Variants in EXOC4 observed in about 807,000 individuals in gnomAD.
EXOC4 encodes the protein SEC8-like 1.
In EXOC4, 71 loss-of-function variants were observed where a neutral mutation model predicts 107.2. That is an observed-to-expected ratio of 0.66 (90% CI 0.55 to 0.81). The LOEUF is 0.81. EXOC4 is among the 30% of genes least tolerant of loss of function. EXOC4 has a pLI of 0.00. For synonymous variants in EXOC4, 456 were observed against 441.2 expected, an observed-to-expected ratio of 1.03 and a Z score of -0.42; for missense variants, 1,108 against 1,189.6, an observed-to-expected ratio of 0.93 and a Z score of 1.01.
At chr7:133,326,762 G>C (rs902606594) in intron 5 of EXOC4, among the ~76,000 whole-genome samples, 1 of 152,220 alleles carries the variant, frequency 6.6e-6, no homozygotes, top group Admixed American at 6.5e-5. Context: ...TAAGTCTGCA[G>C]AGGTTTCTGC....
chr7:133,265,013 T>C (rs184755493), intron 1 of EXOC4, among the ~76,000 whole-genome samples: 16 of 152,262 alleles, frequency 1.1e-4, no homozygotes, highest in Non-Finnish European at 1.8e-4. Flanking sequence ...TGAATAGATA[T>C]AATAACTTAA....
intron 9 of EXOC4, among the ~76,000 whole-genome samples, chr7:133,508,714 G>C (rs536471396): frequency 2.6e-5 from 4 of 152,102 alleles, no homozygotes; most frequent in Admixed American, 6.5e-5. Flanking sequence ...CTCCATTTGG[G>C]TTTTATGCAT....
chr7:133,475,820 C>G lies in EXOC4; in HGVS notation c.1328+347C>G, dbSNP rs1798997478. On this transcript the variant is annotated intron_variant, in intron 8 of 17. Transcript: ENST00000253861. Reference sequence around the variant, plus strand: ...ATTAGCCTTGAAAAGGCCCCAAGAGCCAAGAAACAACCTTTGTTAATAAAG... The same window carrying G: ...ATTAGCCTTGAAAAGGCCCCAAGAGGCAAGAAACAACCTTTGTTAATAAAG... Among the ~76,000 whole-genome samples, 3 of 152,102 alleles carry G rather than the reference C, an allele frequency of 2.0e-5. No homozygotes were observed. The South Asian group carries it at 6.2e-4, about 32-fold the overall frequency.
intron 7 of EXOC4, among the ~76,000 whole-genome samples, chr7:133,449,467 T>C (rs1798290582): frequency 6.6e-6 from 1 of 152,230 alleles, no homozygotes; most frequent in Non-Finnish European, 1.5e-5. Flanking sequence ...AGTTTTTTTC[T>C]GAGCTTTCTT....
chr7:133,579,789 T>A (rs1346699104), intron 9 of EXOC4, among the ~76,000 whole-genome samples: 2 of 151,816 alleles, frequency 1.3e-5, no homozygotes, highest in Admixed American at 1.3e-4. Flanking sequence ...CGGGTTCAAG[T>A]GATCCTCCTG....
intron 10 of EXOC4, among the ~76,000 whole-genome samples, chr7:133,643,918 C>T (rs981467782): frequency 6.6e-6 from 1 of 152,122 alleles, no homozygotes; most frequent in Non-Finnish European, 1.5e-5. Flanking sequence ...TTCCTTTCCC[C>T]AATGTACAGT....
chr7:133,997,458 A>G, intron 14 of EXOC4, 34 bp from the exon 15 acceptor site: 1 of 1,610,716 alleles, frequency 6.2e-7, no homozygotes, highest in Non-Finnish European at 8.5e-7. Context: ...TAGGCATCTA[A>G]TGAAATGATT....
intron 4 of EXOC4, among the ~76,000 whole-genome samples, chr7:133,310,317 T>G (rs1486980084): frequency 6.6e-6 from 1 of 152,152 alleles, no homozygotes; most frequent in Non-Finnish European, 1.5e-5. Context: ...CAGTAAATCC[T>G]CACTTAATGC....
chr7:133,419,964 CT>C (rs60203961), intron 7 of EXOC4, among the ~76,000 whole-genome samples: 63,242 of 134,358 alleles, frequency 0.47, 14,337 homozygotes, highest in East Asian at 0.59. Context: ...TCTGCTTCTT[CT>C]TTTTTTTTTT....
At chr7:133,423,858 C>CTGG (rs1797660104) in intron 7 of EXOC4, among the ~76,000 whole-genome samples, 1 of 152,184 alleles carries the variant, frequency 6.6e-6, no homozygotes, top group African/African-American at 2.4e-5. Context: ...CTGGCGCCTG[C>CTGG]TGGACTTGAT....
chr7:133,493,564 T>C (rs1478073596), intron 9 of EXOC4, among the ~76,000 whole-genome samples: 1 of 152,172 alleles, frequency 6.6e-6, no homozygotes, highest in Non-Finnish European at 1.5e-5. Context: ...ACTCAGTAAA[T>C]GTTTTTTTAA....
intron 9 of EXOC4, among the ~76,000 whole-genome samples, chr7:133,574,871 T>G (rs948724548): frequency 6.6e-6 from 1 of 152,214 alleles, no homozygotes; most frequent in African/African-American, 2.4e-5. Flanking sequence ...AGAGTGTCCT[T>G]TATCTTCAGC....
chr7:133,859,222 A>G (rs1413056958), intron 11 of EXOC4, among the ~76,000 whole-genome samples: 4 of 152,268 alleles, frequency 2.6e-5, no homozygotes, highest in South Asian at 2.1e-4. Flanking sequence ...CAGAACATCA[A>G]TCTTCAGTGC....
At chr7:133,647,085 G>A (rs1383954236) in intron 10 of EXOC4, among the ~76,000 whole-genome samples, 1 of 152,108 alleles carries the variant, frequency 6.6e-6, no homozygotes, top group Admixed American at 6.5e-5. Flanking sequence ...CATCCAGTTT[G>A]CCACTAAATG....
At chr7:133,379,069 A>T (rs961525621) in intron 7 of EXOC4, among the ~76,000 whole-genome samples, 2 of 152,148 alleles carry the variant, frequency 1.3e-5, no homozygotes, top group Non-Finnish European at 2.9e-5. Context: ...ACAAAGAGCC[A>T]TATACCTCTT....
intron 7 of EXOC4, among the ~76,000 whole-genome samples, chr7:133,406,141 C>T (rs1294097036): frequency 2.0e-5 from 3 of 152,126 alleles, no homozygotes; most frequent in South Asian, 2.1e-4. Flanking sequence ...TTTAATTCCA[C>T]GTAACAAGCT....
chr7:133,455,755 T>G (rs370240137), intron 7 of EXOC4, among the ~76,000 whole-genome samples: 10 of 152,290 alleles, frequency 6.6e-5, no homozygotes, highest in Admixed American at 5.9e-4. Context: ...GTCCATAGAT[T>G]TATGGGTTTT....
intron 10 of EXOC4, among the ~76,000 whole-genome samples, chr7:133,755,234 AATATATATAATATATATATT>A (rs1167605876): frequency 3.7e-5 from 4 of 108,048 alleles, no homozygotes; most frequent in African/African-American, 1.6e-4. Context: ...ATATATATAT[AATATATATAATATATATATT>A]ATATATATAT....
chr7:133,285,004 G>A (rs1013749909), intron 2 of EXOC4, among the ~76,000 whole-genome samples: 1 of 152,052 alleles, frequency 6.6e-6, no homozygotes, highest in Non-Finnish European at 1.5e-5. Context: ...CTTGTGCTGT[G>A]TTTTTTATTT....
Sources: gnomAD v4.1 joint callset for allele counts (sites outside exome capture counted in the v4.1 genomes callset) on GRCh38, gnomAD v4.1.1 for gene constraint, MANE v1.5 for transcripts, NCBI Gene and HGNC (gene_info 2026-07-23, HGNC 2026-07-21) for gene names.